PHLDB2: variants seen among roughly 807,000 people sequenced by gnomAD.
The protein encoded by PHLDB2 is pleckstrin homology like domain family B member 2, also known as pleckstrin homology-like domain family B member 2.
Under a neutral mutation model 123.6 loss-of-function variants are expected in PHLDB2, and 71 were observed. That is an observed-to-expected ratio of 0.57 (90% confidence interval 0.47 to 0.70). PHLDB2 has a LOEUF of 0.70. PHLDB2 is among the 30% of genes least tolerant of loss of function. The pLI is 0.00. For synonymous variants in PHLDB2, 547 were observed against 541.6 expected (o/e 1.01, Z -0.14); for missense variants, 1,446 against 1,519.5 (o/e 0.95, Z 0.80).
intron 1 of PHLDB2, among the ~76,000 whole-genome samples, chr3:111,750,693 C>A (rs968636312): frequency 1.3e-5 from 2 of 152,146 alleles, no homozygotes; most frequent in Non-Finnish European, 2.9e-5. Flanking sequence ...CACCTGTAAT[C>A]CCAGCCCTTT....
intron 1 of PHLDB2, among the ~76,000 whole-genome samples, chr3:111,755,107 A>C: frequency 6.6e-6 from 1 of 151,120 alleles, no homozygotes; most frequent in East Asian, 2.0e-4. Context: ...TTGGTCTAAA[A>C]TTCTCTTTTT....
At chr3:111,909,987 GT>G (rs1420689379) in intron 2 of PHLDB2, among the ~76,000 whole-genome samples, 1 of 152,114 alleles carries the variant, frequency 6.6e-6, no homozygotes, top group Non-Finnish European at 1.5e-5. Flanking sequence ...ACTGGTTGGT[GT>G]TAGTTACAAG....
intron 11 of PHLDB2, among the ~76,000 whole-genome samples, chr3:111,953,451 G>C (rs1396397787): frequency 6.6e-6 from 1 of 152,134 alleles, no homozygotes; most frequent in East Asian, 1.9e-4. Context: ...CTACATGAAG[G>C]ATTTTGCTAT....
intron 6 of PHLDB2, among the ~76,000 whole-genome samples, chr3:111,934,439 AG>A (rs1375492662): frequency 2.0e-5 from 3 of 152,200 alleles, no homozygotes; most frequent in African/African-American, 7.2e-5. Flanking sequence ...GATTTAATAA[AG>A]TTTGTTTTAT....
intron 1 of PHLDB2, among the ~76,000 whole-genome samples, chr3:111,806,987 A>G (rs1356948159): frequency 6.6e-6 from 1 of 151,558 alleles, no homozygotes; most frequent in African/African-American, 2.4e-5. Flanking sequence ...CTTGTAAGAG[A>G]CATTAGTTGC....
chr3:111,745,126 A>T (rs2107940363), intron 1 of PHLDB2, among the ~76,000 whole-genome samples: 1 of 152,352 alleles, frequency 6.6e-6, no homozygotes. Flanking sequence ...ACAGAGCCAA[A>T]ATAGTTGCAT....
intron 1 of PHLDB2, among the ~76,000 whole-genome samples, chr3:111,800,381 C>T (rs1210837188): frequency 6.6e-6 from 1 of 152,162 alleles, no homozygotes; most frequent in Non-Finnish European, 1.5e-5. Context: ...ATTTTATACC[C>T]TCTGTGCCTT....
At chr3:111,785,074 G>C (rs893420143) in intron 1 of PHLDB2, among the ~76,000 whole-genome samples, 4 of 152,128 alleles carry the variant, frequency 2.6e-5, no homozygotes, top group Admixed American at 2.0e-4. Flanking sequence ...CATCAGCTGT[G>C]TGTGAGAAAA....
intron 2 of PHLDB2, among the ~76,000 whole-genome samples, chr3:111,905,142 A>C (rs368097838): frequency 6.6e-6 from 1 of 152,156 alleles, no homozygotes; most frequent in Non-Finnish European, 1.5e-5. Flanking sequence ...CAAAGTCATG[A>C]AAATTAAAAA....
At chr3:111,951,799 G>T (rs1489508109) in intron 10 of PHLDB2, among the ~76,000 whole-genome samples, 1 of 151,884 alleles carries the variant, frequency 6.6e-6, no homozygotes, top group Non-Finnish European at 1.5e-5. Context: ...AACAGGTAGG[G>T]TTTGGTTACG....
upstream of PHLDB2, among the ~76,000 whole-genome samples, chr3:111,857,552 A>G (rs2064575234): frequency 6.6e-6 from 1 of 152,130 alleles, no homozygotes; most frequent in African/African-American, 2.4e-5. Flanking sequence ...GAGGAAAGAG[A>G]TGACGTGGGT....
intron 2 of PHLDB2, among the ~76,000 whole-genome samples, chr3:111,890,022 T>C (rs1188973528): frequency 6.6e-6 from 1 of 152,178 alleles, no homozygotes; most frequent in Non-Finnish European, 1.5e-5. Flanking sequence ...AAAAGACTGA[T>C]TGCTTTTCCA....
At chr3:111,945,786 G>A (rs1192464777) in intron 9 of PHLDB2, among the ~76,000 whole-genome samples, 1 of 151,852 alleles carries the variant, frequency 6.6e-6, no homozygotes, top group African/African-American at 2.4e-5. Flanking sequence ...CATTTTAGAA[G>A]GTGGTCTGGT....
At chr3:111,794,478 T>G (rs1461153681) in intron 1 of PHLDB2, among the ~76,000 whole-genome samples, 1 of 152,212 alleles carries the variant, frequency 6.6e-6, no homozygotes, top group Non-Finnish European at 1.5e-5. Flanking sequence ...CACCTGATTT[T>G]GGGGTCTTAT....
chr3:111,753,624 C>A (rs2059825850), intron 1 of PHLDB2, among the ~76,000 whole-genome samples: 1 of 152,122 alleles, frequency 6.6e-6, no homozygotes, highest in South Asian at 2.1e-4. Flanking sequence ...ATGGTAGTTT[C>A]TTTTGCTGTG....
At position 111,823,605 on chromosome 3, in the gene PHLDB2, A is replaced by C. The variant is rs538906221; in HGVS notation, c.-48-22216A>C. 2.0e-5 allele frequency among the ~76,000 whole-genome samples: 3 copies of C among 152,334 alleles called. No individual in the cohort carries two copies. In the South Asian group the frequency reaches 6.2e-4, roughly 32 times the overall value. ...TGACCAAATAGTTTACCAGACTTTC[A>C]CAAACCTAGCAAAGTCTTATCTATT... On this transcript the variant is annotated intron_variant, in intron 1 of 17. Transcript: ENST00000393923.
intron 1 of PHLDB2, chr3:111,860,003 G>A (rs956041538): frequency 1.1e-5 from 7 of 628,446 alleles, no homozygotes; most frequent in Non-Finnish European, 1.4e-5. Flanking sequence ...GAACCCCGTT[G>A]TGCATGACTC....
At chr3:111,855,661 A>ATTTTTTTTTTTTTTTTTTTTTCTTCCT, upstream of PHLDB2, among the ~76,000 whole-genome samples, 1 of 128,422 alleles carries the variant, frequency 7.8e-6, no homozygotes. Context: ...TTTGGCGACA[A>ATTTTTTTTTTTTTTTTTTTTTCTTCCT]GGTCTCACTC....
chr3:111,882,323 T>G (rs2065970750), intron 1 of PHLDB2, among the ~76,000 whole-genome samples: 1 of 152,172 alleles, frequency 6.6e-6, no homozygotes, highest in Non-Finnish European at 1.5e-5. Flanking sequence ...GAGGTGATGT[T>G]AGTTCAGAAT....
Sources: allele counts gnomAD v4.1 joint callset (sites outside exome capture counted in the v4.1 genomes callset), GRCh38; gene constraint gnomAD v4.1.1; transcripts MANE v1.5; gene names NCBI Gene and HGNC (gene_info 2026-07-23, HGNC 2026-07-21).